Variants in PDXDC1 observed in about 807,000 individuals in gnomAD.
The protein encoded by PDXDC1 is pyridoxal-dependent decarboxylase domain-containing protein 1.
A neutral mutation model predicts 100.1 loss-of-function variants in PDXDC1; 42 were observed. The observed-to-expected ratio is 0.42, with a 90% CI of 0.33 to 0.54. The LOEUF (loss-of-function observed/expected upper bound fraction) is 0.54, where lower values mean the gene tolerates loss of function less well. Ranked by LOEUF, PDXDC1 falls within the 20% of genes least tolerant of loss-of-function variation. PDXDC1 has a pLI of 0.10. For synonymous variants in PDXDC1, 260 were observed against 371.7 expected, an observed-to-expected ratio of 0.70 and a Z score of 3.46; for missense variants, 636 against 979.2, an observed-to-expected ratio of 0.65 and a Z score of 4.68.
In PDXDC1 at chr16:15,034,443, G is replaced by T. The variant is rs761869612; in HGVS notation, c.1906-14G>T. On this transcript the variant is annotated splice_polypyrimidine_tract_variant and intron_variant, in intron 20 of 22. Coordinates refer to ENST00000396410, the MANE Select transcript of PDXDC1 (RefSeq NM_015027.4). Reference sequence around the variant, plus strand: ...TGAGGCCAGGTGGCCCTGAACTCTGGTCCTGTCTTGCAGGGGGTGTTGCGG... The same window carrying T: ...TGAGGCCAGGTGGCCCTGAACTCTGTTCCTGTCTTGCAGGGGGTGTTGCGG... The T allele has an allele frequency of 6.2e-7, 1 of 1,614,024 alleles. No homozygotes were observed. The highest frequency in any genetic ancestry group is 8.5e-7 in the Non-Finnish European group (1 of 1,179,954).
chr16:15,146,946 C>G, the PDXDC1 span, among the ~76,000 whole-genome samples: 137 of 152,172 alleles, frequency 9.0e-4, no homozygotes, highest in African/African-American at 3.2e-3. Context: ...CAAGGTCACA[C>G]CAGAAGTGGA....
chr16:15,092,038 G>A (rs1184565438), intron 16 of PDXDC1, among the ~76,000 whole-genome samples: 2 of 152,160 alleles, frequency 1.3e-5, no homozygotes, highest in Non-Finnish European at 2.9e-5. Context: ...AATTAGCCAG[G>A]TGTGGTGGTG....
chr16:15,128,156 G>C (rs774227260), intron 16 of PDXDC1: 1 of 1,609,910 alleles, frequency 6.2e-7, no homozygotes, highest in East Asian at 2.2e-5. Flanking sequence ...GCGGGAGGGA[G>C]GTCAGGCTCG....
intron 16 of PDXDC1, among the ~76,000 whole-genome samples, chr16:15,119,436 C>G (rs1325736596): frequency 7.5e-6 from 1 of 133,092 alleles, no homozygotes; most frequent in Non-Finnish European, 1.6e-5. Context: ...TTTTTTGAGA[C>G]AGAGTTCTGC....
intron 16 of PDXDC1, among the ~76,000 whole-genome samples, chr16:15,079,032 G>A (rs1373570267): frequency 6.6e-6 from 1 of 151,972 alleles, no homozygotes; most frequent in East Asian, 1.9e-4. Flanking sequence ...GGATGGTCTC[G>A]ATCTCCTGAC....
At position 15,026,828 on chromosome 16, in the gene PDXDC1, G is replaced by A. The variant is rs2042639296; in HGVS notation, c.1204+122G>A. 2.7e-6 allele frequency: 3 copies of A among 1,095,510 alleles called. No individual in the cohort carries two copies. The East Asian group carries it at 7.6e-5, about 28-fold the overall frequency. 67.9% of individuals were successfully genotyped at this position (1,095,510 alleles called of 1,614,324 possible). On this transcript the variant is annotated intron_variant, in intron 14 of 22. Transcript: ENST00000396410. Reference sequence around the variant, plus strand: ...CTGACAATCTTCAGTCAGCATTTCAGAAAAATGTAATAATTTTCATGAAAA... The same window carrying A: ...CTGACAATCTTCAGTCAGCATTTCAAAAAAATGTAATAATTTTCATGAAAA...
intron 7 of PDXDC1, among the ~76,000 whole-genome samples, chr16:15,009,151 T>C (rs2041046113): frequency 6.6e-6 from 1 of 152,288 alleles, no homozygotes. Flanking sequence ...TTTTAATGAG[T>C]TAGCACTGTT....
chr16:14,991,727 G>C (rs560755360), intron 1 of PDXDC1, among the ~76,000 whole-genome samples: 3 of 152,238 alleles, frequency 2.0e-5, no homozygotes, highest in African/African-American at 7.2e-5. Flanking sequence ...TTGCCATGTT[G>C]CCCAGGCTCA....
chr16:15,012,935 G>T (rs2058758875), intron 8 of PDXDC1, among the ~76,000 whole-genome samples: 1 of 152,268 alleles, frequency 6.6e-6, no homozygotes, highest in African/African-American at 2.4e-5. Context: ...ACTTTGGGAG[G>T]CCGAGGCGGG....
At chr16:15,125,357 G>C (rs370481106) in intron 16 of PDXDC1, 80,236 of 723,414 alleles carry the variant, frequency 0.11, 4,387 homozygotes, top group East Asian at 0.19. Context: ...AAGGTACCAG[G>C]GGATGTGTCA....
chr16:15,038,011 T>G lies in PDXDC1; in HGVS notation c.*1736T>G, dbSNP rs1460969220. The G allele has an allele frequency of 4.4e-6, 7 of 1,598,574 alleles. No homozygotes were observed. The highest frequency in any genetic ancestry group is 6.0e-6 in the Non-Finnish European group (7 of 1,169,816). ...GGTCTGTCAGGCCAAGAAGGTGCTTTCTTTGGTAATTCATGTTTTTTAACT... is the reference window on the plus strand; with the variant it reads ...GGTCTGTCAGGCCAAGAAGGTGCTTGCTTTGGTAATTCATGTTTTTTAACT... On this transcript the variant is annotated 3_prime_UTR_variant, in exon 23 of 23. Transcript: ENST00000396410.
chr16:15,001,567 C>A (rs1164821601), intron 3 of PDXDC1, among the ~76,000 whole-genome samples: 3 of 152,290 alleles, frequency 2.0e-5, no homozygotes, highest in African/African-American at 7.2e-5. Flanking sequence ...ATTTATTTAA[C>A]CACAAGTAAA....
At chr16:14,976,515 G>A (rs1173995765) in intron 1 of PDXDC1, among the ~76,000 whole-genome samples, 1 of 152,286 alleles carries the variant, frequency 6.6e-6, no homozygotes, top group Non-Finnish European at 1.5e-5. Context: ...CATCTCTGGG[G>A]TGAATGTTAC....
intron 16 of PDXDC1, among the ~76,000 whole-genome samples, chr16:15,122,493 G>A (rs1206411880): frequency 6.9e-6 from 1 of 145,826 alleles, no homozygotes; most frequent in African/African-American, 2.6e-5. Context: ...GGGATTACAG[G>A]CCTGAGCTGT....
chr16:15,124,919 C>T (rs2047622552), intron 16 of PDXDC1, among the ~76,000 whole-genome samples: 1 of 151,572 alleles, frequency 6.6e-6, no homozygotes, highest in Non-Finnish European at 1.5e-5. Flanking sequence ...GAGGCTGAGG[C>T]AGGCGGATCA....
chr16:14,975,315 C>A, intron 1 of PDXDC1, 95 bp downstream of exon 1: 2 of 1,369,366 alleles, frequency 1.5e-6, no homozygotes, highest in Non-Finnish European at 1.9e-6. Context: ...CCATTGTGAC[C>A]CGGACAGGGG....
intron 16 of PDXDC1, among the ~76,000 whole-genome samples, chr16:15,063,605 G>A (rs1597868420): frequency 6.6e-6 from 1 of 151,286 alleles, no homozygotes; most frequent in Non-Finnish European, 1.5e-5. Context: ...CTACTCGGGA[G>A]GCTGAGGCAG....
intron 16 of PDXDC1, among the ~76,000 whole-genome samples, chr16:15,099,379 C>G (rs2046464631): frequency 8.0e-6 from 1 of 125,722 alleles, no homozygotes; most frequent in South Asian, 2.6e-4. Context: ...AAGATCGCAA[C>G]ACTGCACTCC....
chr16:15,093,722 C>T (rs2151832293), intron 16 of PDXDC1, among the ~76,000 whole-genome samples: 1 of 152,276 alleles, frequency 6.6e-6, no homozygotes. Context: ...GACTGCGAAA[C>T]AAATACGTGT....
Sources: gnomAD v4.1 joint callset for allele counts (sites outside exome capture counted in the v4.1 genomes callset) on GRCh38, gnomAD v4.1.1 for gene constraint, MANE v1.5 for transcripts, NCBI Gene and HGNC (gene_info 2026-07-23, HGNC 2026-07-21) for gene names.